SDK1: variants seen among roughly 807,000 people sequenced by gnomAD.
The protein encoded by SDK1 is sidekick cell adhesion molecule 1, also known as protein sidekick-1.
Under a neutral mutation model 245.5 loss-of-function variants are expected in SDK1, and 157 were observed. The observed-to-expected ratio is 0.64, with a 90% confidence interval of 0.56 to 0.73. The LOEUF (loss-of-function observed/expected upper bound fraction) is 0.73. SDK1 is among the 30% of genes least tolerant of loss of function. The probability of loss-of-function intolerance (pLI) is 0.00; values close to 1 mark genes in which losing one functional copy is unlikely to be tolerated. For missense variants in SDK1, 3,583 were observed against 3,002.3 expected (o/e 1.19, Z -4.52); for synonymous variants, 1,647 against 1,278.5 (o/e 1.29, Z -6.15).
intron 4 of SDK1, among the ~76,000 whole-genome samples, chr7:3,703,538 G>A (rs1047433113): frequency 6.6e-6 from 1 of 152,140 alleles, no homozygotes; most frequent in Non-Finnish European, 1.5e-5. Context: ...GGACTGTAGT[G>A]GTGGTGAAGT....
At chr7:3,947,175 A>AC (rs1237278152) in intron 5 of SDK1, among the ~76,000 whole-genome samples, 1 of 152,114 alleles carries the variant, frequency 6.6e-6, no homozygotes, top group African/African-American at 2.4e-5. Flanking sequence ...ACACACACAC[A>AC]CACGCTTCTT....
At chr7:4,154,240 G>A (rs1209861537) in intron 30 of SDK1, among the ~76,000 whole-genome samples, 2 of 152,162 alleles carry the variant, frequency 1.3e-5, no homozygotes, top group African/African-American at 2.4e-5. Context: ...TTAGCCGTCC[G>A]AGGCAGTACG....
intron 23 of SDK1, among the ~76,000 whole-genome samples, chr7:4,112,900 C>G (rs1340757731): frequency 6.6e-6 from 1 of 152,066 alleles, no homozygotes; most frequent in Non-Finnish European, 1.5e-5. Flanking sequence ...ATTCCAGGCA[C>G]CCGCCACCAC....
chr7:3,405,403 C>A (rs1046921799), intron 1 of SDK1, among the ~76,000 whole-genome samples: 5 of 152,004 alleles, frequency 3.3e-5, no homozygotes, highest in Non-Finnish European at 7.4e-5. Flanking sequence ...AAGTTGCATG[C>A]AAACAGGCTG....
intron 44 of SDK1, among the ~76,000 whole-genome samples, chr7:4,257,078 C>T (rs549140891): frequency 2.0e-5 from 3 of 152,294 alleles, no homozygotes; most frequent in Admixed American, 1.3e-4. Context: ...TGAATGATAT[C>T]TGCCGTTCAA....
At chr7:3,980,890 G>A (rs1378424902) in intron 13 of SDK1, among the ~76,000 whole-genome samples, 3 of 150,908 alleles carry the variant, frequency 2.0e-5, no homozygotes, top group Non-Finnish European at 2.9e-5. Context: ...GCAGTGAGCC[G>A]AATTGCACCA....
intron 4 of SDK1, among the ~76,000 whole-genome samples, chr7:3,751,860 C>G (rs1296013298): frequency 6.6e-6 from 1 of 152,144 alleles, no homozygotes; most frequent in African/African-American, 2.4e-5. Context: ...AACTGGTTTT[C>G]TACTTCCTTT....
chr7:3,903,342 A>C (rs1472820012), intron 5 of SDK1, among the ~76,000 whole-genome samples: 1 of 151,892 alleles, frequency 6.6e-6, no homozygotes, highest in Non-Finnish European at 1.5e-5. Flanking sequence ...ACGAGGTTTC[A>C]CCGTGTTAGC....
intron 1 of SDK1, among the ~76,000 whole-genome samples, chr7:3,556,940 C>T (rs972266126): frequency 1.3e-5 from 2 of 152,052 alleles, no homozygotes; most frequent in African/African-American, 2.4e-5. Context: ...ATCACAATAT[C>T]TCATGTACCC....
At chr7:3,543,311 C>T (rs1265239398) in intron 1 of SDK1, among the ~76,000 whole-genome samples, 1 of 152,240 alleles carries the variant, frequency 6.6e-6, no homozygotes, top group East Asian at 1.9e-4. Flanking sequence ...ATACTCCTTG[C>T]TTAATTTCTG....
intron 4 of SDK1, among the ~76,000 whole-genome samples, chr7:3,697,357 C>T (rs747037911): frequency 1.3e-5 from 2 of 152,208 alleles, no homozygotes; most frequent in Non-Finnish European, 2.9e-5. Flanking sequence ...TGATTTGGAG[C>T]TTCTGCCTCT....
intron 4 of SDK1, among the ~76,000 whole-genome samples, chr7:3,812,863 G>A (rs1259624112): frequency 6.6e-6 from 1 of 152,188 alleles, no homozygotes; most frequent in African/African-American, 2.4e-5. Context: ...AGGGATTCAT[G>A]CATTCCATTA....
Position 4,232,232 on chromosome 7 carries a change from G to A in SDK1, c.5828-1023G>A, listed in dbSNP as rs534542407. 1.1e-3 allele frequency among the ~76,000 whole-genome samples: 163 copies of A among 151,894 alleles called. 4 individuals carry two copies. The highest frequency in any genetic ancestry group is 8.3e-3 in the Admixed American group (126 of 15,268). ...CCATTCTACAGACAAGGGTCAGAGA[G>A]GTTCCGTTCTTTGTCTAAAGCCACA... On this transcript the variant is annotated intron_variant, in intron 40 of 44. Coordinates refer to ENST00000404826, the MANE Select transcript of SDK1 (RefSeq NM_152744.4).
At chr7:4,178,184 A>G (rs1318647799) in intron 34 of SDK1, among the ~76,000 whole-genome samples, 1 of 152,182 alleles carries the variant, frequency 6.6e-6, no homozygotes, top group Non-Finnish European at 1.5e-5. Flanking sequence ...CTAGTGGCCC[A>G]GGGGTTGGGG....
chr7:4,007,626 A>G (rs1785586636), intron 14 of SDK1, among the ~76,000 whole-genome samples: 1 of 151,852 alleles, frequency 6.6e-6, no homozygotes, highest in Non-Finnish European at 1.5e-5. Flanking sequence ...GTTTTTTGAG[A>G]CAGAGTCTTG....
intron 1 of SDK1, among the ~76,000 whole-genome samples, chr7:3,472,821 G>A (rs1781225377): frequency 6.6e-6 from 1 of 152,130 alleles, no homozygotes; most frequent in African/African-American, 2.4e-5. Context: ...CAAGTTGCTT[G>A]CCGTAGTTTT....
chr7:3,383,371 A>G (rs1411973793), intron 1 of SDK1, among the ~76,000 whole-genome samples: 6 of 152,262 alleles, frequency 3.9e-5, no homozygotes, highest in Non-Finnish European at 2.9e-5. Flanking sequence ...TGATTGTGCC[A>G]CTGCACTCCA....
intron 10 of SDK1, 150 bp from the exon 11 acceptor site, chr7:3,969,107 C>T (rs1168662276): frequency 2.1e-5 from 14 of 655,660 alleles, no homozygotes; most frequent in African/African-American, 5.6e-5. Flanking sequence ...CCACCAGATT[C>T]CTCCCCCGAC....
intron 1 of SDK1, among the ~76,000 whole-genome samples, chr7:3,418,279 T>A (rs545399892): frequency 3.0e-4 from 46 of 152,112 alleles, no homozygotes; most frequent in African/African-American, 1.1e-3. Context: ...ATTGCGCCAT[T>A]GCACTCCAGC....
Sources: gnomAD v4.1 joint callset for allele counts (sites outside exome capture counted in the v4.1 genomes callset) on GRCh38, gnomAD v4.1.1 for gene constraint, MANE v1.5 for transcripts, NCBI Gene and HGNC (gene_info 2026-07-23, HGNC 2026-07-21) for gene names.